Variants in SSX1 observed in about 807,000 individuals in gnomAD.
SSX1 encodes protein SSX1.
Under a neutral mutation model 14.6 loss-of-function variants are expected in SSX1, and 58 were observed. The ratio of observed to expected loss-of-function variants is 3.96; its 90% CI spans 3.21 to 4.93. SSX1 has a LOEUF of 4.93. Among genes scored for constraint, SSX1 ranks in the 30% most tolerant of loss-of-function variants. SSX1 has a pLI of 0.00. For missense variants in SSX1, 272 were observed against 143.1 expected (o/e 1.90, Z -4.60); for synonymous variants, 46 against 52.1 (o/e 0.88, Z 0.50).
chrX:48,258,209 T>C (rs1480028039), intron 3 of SSX1, among the ~76,000 whole-genome samples: 1 of 96,054 alleles, frequency 1.0e-5, no homozygotes, highest in Admixed American at 1.2e-4. Context: ...TTTTTTTTTT[T>C]GAGTCAGAGT....
At chrX:48,259,252 C>T (rs1318732700) in intron 4 of SSX1, among the ~76,000 whole-genome samples, 1 of 111,686 alleles carries the variant, frequency 9.0e-6, no homozygotes, top group African/African-American at 3.3e-5. Context: ...CCACCTCAGC[C>T]TCCCAAAGTG....
intron 5 of SSX1, 107 bp from the exon 6 acceptor site, chrX:48,263,675 T>C: frequency 2.8e-6 from 3 of 1,069,787 alleles, no homozygotes; most frequent in Non-Finnish European, 3.8e-6. Flanking sequence ...CTCCCCGCGT[T>C]GTTGAGAACA....
chrX:48,266,424 C>A, intron 7 of SSX1, 33 bp downstream of exon 7: 1 of 1,206,493 alleles, frequency 8.3e-7, no homozygotes, highest in Non-Finnish European at 1.1e-6. Context: ...CTCCACATCC[C>A]TGCAGATGTG....
At position 48,261,761 on chromosome X, in the gene SSX1, T is replaced by C; in HGVS notation, c.281-5T>C. ...AAAGAAAAATTCTGATGTGTTCTCT[T>C]TCAGTTGAACATCCTCAGATGACTT... On this transcript the variant is annotated splice_polypyrimidine_tract_variant and splice_region_variant and intron_variant, in intron 4 of 7. Transcript: ENST00000376919. 2 of 1,210,971 alleles carry C rather than the reference T, an allele frequency of 1.7e-6. No individual in the cohort carries two copies. Among genetic ancestry groups the C allele is most frequent in the Non-Finnish European group, 2.2e-6 (2 of 894,794 alleles).
chrX:48,263,463 CT>C (rs5902416), intron 5 of SSX1, among the ~76,000 whole-genome samples: 45,678 of 109,726 alleles, frequency 0.42, 7,036 homozygotes, highest in Non-Finnish European at 0.46. Flanking sequence ...TTTTGTAGAC[CT>C]TGTGAATTCT....
At chrX:48,258,810 A>AAC (rs5902415) in intron 4 of SSX1, among the ~76,000 whole-genome samples, 179 bp downstream of exon 4, 44,651 of 109,198 alleles carry the variant, frequency 0.41, 7,012 homozygotes, top group Non-Finnish European at 0.45. Context: ...AAACATGCAA[A>AAC]AGTAATATGT....
intron 1 of SSX1, among the ~76,000 whole-genome samples, chrX:48,256,398 A>G (rs2059581521): frequency 1.9e-5 from 2 of 105,965 alleles, no homozygotes; most frequent in Non-Finnish European, 3.9e-5. Context: ...CCCTTGGCCA[A>G]AGAGCTGAGA....
chrX:48,260,789 A>G (rs1385539883), intron 4 of SSX1, among the ~76,000 whole-genome samples: 2 of 112,302 alleles, frequency 1.8e-5, no homozygotes, highest in African/African-American at 3.2e-5. Context: ...AAAGTGAAAA[A>G]AAAAGAAACT....
At chrX:48,264,914 T>G (rs1200728176) in intron 6 of SSX1, among the ~76,000 whole-genome samples, 2 of 112,658 alleles carry the variant, frequency 1.8e-5, no homozygotes, top group Non-Finnish European at 3.7e-5. Context: ...TCTCCATCAG[T>G]GTTTGCTGCT....
At chrX:48,257,092 A>G (rs1160094766) in intron 1 of SSX1, 130 bp from the exon 2 acceptor site, 1 of 540,604 alleles carries the variant, frequency 1.8e-6, no homozygotes, top group Non-Finnish European at 3.1e-6. Context: ...ACCCATGGAC[A>G]GGTAAGCCCC....
chrX:48,258,185 CTTTTTTTTTTTT>C (rs1201912440), intron 3 of SSX1, among the ~76,000 whole-genome samples: 3 of 72,936 alleles, frequency 4.1e-5, no homozygotes, highest in African/African-American at 1.2e-4. Flanking sequence ...CTCTCTCTCC[CTTTTTTTTTTTT>C]TTTTTTTTTT....
chrX:48,264,622 G>A (rs1556936122), intron 6 of SSX1, among the ~76,000 whole-genome samples: 1 of 111,744 alleles, frequency 8.9e-6, no homozygotes, highest in African/African-American at 3.3e-5. Context: ...AGGGTGGAGT[G>A]GCTGTGGCAG....
At chrX:48,263,124 CTT>C (rs1222626944) in intron 5 of SSX1, among the ~76,000 whole-genome samples, 1 of 106,005 alleles carries the variant, frequency 9.4e-6, no homozygotes, top group Non-Finnish European at 1.9e-5. Context: ...CAGAGCGAGA[CTT>C]TGTCAAAAAA....
intron 1 of SSX1, among the ~76,000 whole-genome samples, chrX:48,256,255 C>T (rs12557977): frequency 0.38 from 41,083 of 107,440 alleles, 6,178 homozygotes; most frequent in Non-Finnish European, 0.46. Flanking sequence ...CCTCTTGCCT[C>T]GGCCTCGGAA....
At position 48,267,049 on chromosome X, in the gene SSX1, G is replaced by A. The variant is rs1180722510; in HGVS notation, c.*200G>A. The A allele has an allele frequency of 2.1e-6, 1 of 484,542 alleles. No homozygotes were observed. The highest frequency in any genetic ancestry group is 3.6e-6 in the Non-Finnish European group (1 of 280,925). The allele number at this position is 484,542 out of a possible 1,213,427, so 39.9% of individuals were successfully genotyped here. Reference sequence around the variant, plus strand: ...AGTGTTTCCATTGTATTTTCTTACAGTGTGCCATTCTGTTAGATACTATCC... The same window carrying A: ...AGTGTTTCCATTGTATTTTCTTACAATGTGCCATTCTGTTAGATACTATCC... On this transcript the variant is annotated 3_prime_UTR_variant, in exon 8 of 8. Transcript: ENST00000376919.
intron 6 of SSX1, among the ~76,000 whole-genome samples, chrX:48,265,448 G>A (rs1556936230): frequency 9.0e-6 from 1 of 111,357 alleles, no homozygotes; most frequent in Non-Finnish European, 1.9e-5. Flanking sequence ...TGTATCTCAG[G>A]GAATAGGTAG....
At chrX:48,263,757 T>A (rs782695637) in intron 5 of SSX1, 25 bp from the exon 6 acceptor site, 18 of 1,208,460 alleles carry the variant, frequency 1.5e-5, no homozygotes, top group Non-Finnish European at 1.9e-5. Context: ...TGATACTGTT[T>A]ATCTGTAACC....
intron 7 of SSX1, 77 bp downstream of exon 7, chrX:48,266,468 C>A: frequency 8.4e-7 from 1 of 1,196,630 alleles, no homozygotes; most frequent in Non-Finnish European, 1.1e-6. Context: ...CCCATCTTGT[C>A]ATTTGTTTCC....
chrX:48,260,522 G>A (rs2059600402), intron 4 of SSX1, among the ~76,000 whole-genome samples: 1 of 111,340 alleles, frequency 9.0e-6, no homozygotes, highest in African/African-American at 3.3e-5. Context: ...CATGAAGTTA[G>A]GCAGGAGAAG....
Sources: allele counts gnomAD v4.1 joint callset (sites outside exome capture counted in the v4.1 genomes callset), GRCh38; gene constraint gnomAD v4.1.1; transcripts MANE v1.5; gene names NCBI Gene and HGNC (gene_info 2026-07-23, HGNC 2026-07-21).